The following KLHL13 variants were observed in gnomAD, a reference collection of about 807,000 sequenced individuals.
The protein encoded by KLHL13 is kelch-like protein 13.
KLHL13 carries 10 observed loss-of-function variants against 37.1 expected under a neutral mutation model. The ratio of observed to expected loss-of-function variants is 0.27; its 90% CI spans 0.17 to 0.46. The LOEUF is 0.46. Ranked by LOEUF, KLHL13 falls within the 20% of genes least tolerant of loss-of-function variation. KLHL13 has a pLI of 1.00. For synonymous variants in KLHL13, 163 were observed against 181.2 expected (o/e 0.90, Z 0.81); for missense variants, 360 against 509.3 (o/e 0.71, Z 2.82).
At chrX:117,938,044 A>G (rs1029805505) in intron 2 of KLHL13, among the ~76,000 whole-genome samples, 1 of 112,395 alleles carries the variant, frequency 8.9e-6, no homozygotes, top group Non-Finnish European at 1.9e-5. Flanking sequence ...TCTTTCAATT[A>G]GCATAATGTT....
chrX:118,063,843 A>T (rs1285514330), intron 1 of KLHL13, among the ~76,000 whole-genome samples: 2 of 112,041 alleles, frequency 1.8e-5, no homozygotes, highest in African/African-American at 6.5e-5. Flanking sequence ...ACATTTGATC[A>T]GACTACTTAC....
chrX:117,915,204 CA>C (rs1301511554), intron 4 of KLHL13, among the ~76,000 whole-genome samples: 2 of 111,684 alleles, frequency 1.8e-5, no homozygotes, highest in Non-Finnish European at 3.8e-5. Context: ...CGGGTAAATA[CA>C]ATTTAGATTA....
In KLHL13 at chrX:118,001,977, T is replaced by G. The variant is rs6646023; in HGVS notation, c.-55-56402A>C. 5.8e-3 allele frequency among the ~76,000 whole-genome samples: 645 copies of G among 110,757 alleles called. 5 individuals are homozygous for G. The highest frequency in any genetic ancestry group is 0.018 in the African/African-American group (556 of 30,470). ...CACTGCCAATTCTCTGAACAGTTTGTTATATTAACAAACTGGACTGCCTGG... is the reference window on the plus strand; with the variant it reads ...CACTGCCAATTCTCTGAACAGTTTGGTATATTAACAAACTGGACTGCCTGG... On this transcript the variant is annotated intron_variant, in intron 1 of 6. Coordinates refer to the KLHL13 transcript ENST00000371882.
In KLHL13 at chrX:118,048,239, G is replaced by A. The variant is rs917794191; in HGVS notation, c.-56+68269C>T. ...TTTCATAATAGGAGATACTAGAGCA[G>A]GTAAATCTGAATAGCATTACATTAG... On this transcript the variant is annotated intron_variant, in intron 1 of 6. Coordinates refer to the KLHL13 transcript ENST00000371882. Among the ~76,000 whole-genome samples, 7 of 111,389 alleles carry A rather than the reference G, an allele frequency of 6.3e-5. No homozygotes were observed. The East Asian group carries it at 2.0e-3, about 31-fold the overall frequency.
intron 1 of KLHL13, chrX:117,985,491 T>C (rs967750750): frequency 4.0e-5 from 14 of 352,008 alleles, no homozygotes; most frequent in Non-Finnish European, 4.7e-5. Flanking sequence ...CTTCCCTTGA[T>C]AGGAAATTGT....
chrX:118,012,446 T>C (rs1433949701), intron 1 of KLHL13, among the ~76,000 whole-genome samples: 1 of 110,372 alleles, frequency 9.1e-6, no homozygotes, highest in Non-Finnish European at 1.9e-5. Context: ...CCTTCCTATA[T>C]CTTCAAAGAG....
At position 117,898,970 on chromosome X, in the gene KLHL13, CTG is replaced by C; in HGVS notation, c.1904_1905del (p.Thr635SerfsTer13). ...GGTGTGGTTTCTTCTGGTGGAAAAA[CTG>C]TGAGTGTGCAAGCACGAATGCCACC... On this transcript the variant is annotated frameshift_variant, in exon 7 of 7. Coordinates refer to ENST00000262820, the Ensembl canonical transcript of KLHL13. LOFTEE classifies it high-confidence loss of function. 1 of 1,210,780 alleles carries C rather than the reference CTG, an allele frequency of 8.3e-7. No individual in the cohort carries two copies. The highest frequency in any genetic ancestry group is 1.1e-6 in the Non-Finnish European group (1 of 894,647).
At chrX:118,070,676 G>C (rs1037076664) in intron 1 of KLHL13, among the ~76,000 whole-genome samples, 1 of 110,263 alleles carries the variant, frequency 9.1e-6, no homozygotes, top group Non-Finnish European at 1.9e-5. Context: ...CAGTTACTGA[G>C]AGAGGTGGTT....
chrX:117,979,407 C>T (rs2053634194), intron 1 of KLHL13, among the ~76,000 whole-genome samples: 1 of 111,752 alleles, frequency 8.9e-6, no homozygotes, highest in Admixed American at 9.5e-5. Context: ...TGTGCTATAG[C>T]TATTTTACTT....
intron 4 of KLHL13, 142 bp from the exon 6 acceptor site, chrX:117,910,238 T>C: frequency 2.2e-6 from 1 of 463,028 alleles, no homozygotes; most frequent in Non-Finnish European, 3.5e-6. Context: ...TATCTAAATG[T>C]ATCAATGATC....
chrX:118,063,837 T>G, intron 1 of KLHL13, among the ~76,000 whole-genome samples: 1 of 111,964 alleles, frequency 8.9e-6, no homozygotes, highest in Non-Finnish European at 1.9e-5. Flanking sequence ...TGAGCCACAT[T>G]TGATCAGACT....
chrX:118,027,570 T>TAGCTCATATATAC (rs1385726281), intron 1 of KLHL13, among the ~76,000 whole-genome samples: 1 of 109,934 alleles, frequency 9.1e-6, no homozygotes, highest in Admixed American at 9.8e-5. Flanking sequence ...TCCCTCATAC[T>TAGCTCATATATAC]AGCTCATATA....
At chrX:118,026,892 T>G (rs2054280710) in intron 1 of KLHL13, among the ~76,000 whole-genome samples, 2 of 111,851 alleles carry the variant, frequency 1.8e-5, no homozygotes, top group Admixed American at 1.9e-4. Context: ...TGGAAAATTT[T>G]AAACAAGTAG....
chrX:117,907,453 A>G (rs1930623606), intron 5 of KLHL13, among the ~76,000 whole-genome samples: 1 of 112,141 alleles, frequency 8.9e-6, no homozygotes, highest in Non-Finnish European at 1.9e-5. Flanking sequence ...CTTTGAGAAA[A>G]GAAGACTGAC....
chrX:117,915,898 C>T (rs1931318114), intron 4 of KLHL13, among the ~76,000 whole-genome samples: 1 of 112,777 alleles, frequency 8.9e-6, no homozygotes, highest in South Asian at 3.6e-4. Context: ...GTGGCTCACG[C>T]CTGTAATCCC....
intron 1 of KLHL13, among the ~76,000 whole-genome samples, chrX:118,081,158 G>A (rs747310455): frequency 1.8e-5 from 2 of 111,586 alleles, no homozygotes; most frequent in South Asian, 7.5e-4. Context: ...TACCTATTGG[G>A]TATTGTGCAT....
intron 1 of KLHL13, chrX:117,983,630 AT>A: frequency 5.6e-6 from 3 of 537,365 alleles, no homozygotes; most frequent in African/African-American, 2.3e-5. Flanking sequence ...CCCTGACAGC[AT>A]TTTAGCTGTA....
intron 1 of KLHL13, among the ~76,000 whole-genome samples, chrX:117,952,468 C>T (rs1430066586): frequency 1.9e-5 from 2 of 106,642 alleles, no homozygotes; most frequent in African/African-American, 6.8e-5. Flanking sequence ...AAAACCTAGG[C>T]ATTACCATTC....
In KLHL13 at chrX:117,910,105, C is replaced by A; in HGVS notation, c.571-9G>T. 8.9e-7 allele frequency: 1 copy of A among 1,126,954 alleles called. No individual in the cohort carries two copies. Among genetic ancestry groups the A allele is most frequent in the Non-Finnish European group, 1.2e-6 (1 of 855,188 alleles). 92.9% of individuals were successfully genotyped at this position (1,126,954 alleles called of 1,213,427 possible). ...CAGTTGTCTAAAGTGACCTATTAAG[C>A]CAATTAAAAAAAATTAAAACATGAC... On this transcript the variant is annotated splice_polypyrimidine_tract_variant and intron_variant, in intron 4 of 6. Transcript: ENST00000262820.
Sources: allele counts gnomAD v4.1 joint callset (sites outside exome capture counted in the v4.1 genomes callset), GRCh38; gene constraint gnomAD v4.1.1; transcripts MANE v1.5; gene names NCBI Gene and HGNC (gene_info 2026-07-23, HGNC 2026-07-21).